SYNE1: variants seen among roughly 807,000 people sequenced by gnomAD.
SYNE1 encodes nesprin-1.
In SYNE1, 616 loss-of-function variants were observed where a neutral mutation model predicts 1,111.0. The ratio of observed to expected loss-of-function variants is 0.55; its 90% CI spans 0.52 to 0.59. The LOEUF is 0.59. Among genes scored for constraint, SYNE1 ranks in the 20% least tolerant of loss-of-function variants. The pLI is 0.00. For missense variants in SYNE1, 10,006 were observed against 10,417.0 expected, an observed-to-expected ratio of 0.96 and a Z score of 1.72; for synonymous variants, 3,855 against 3,825.8, an observed-to-expected ratio of 1.01 and a Z score of -0.28.
At position 152,124,304 on chromosome 6, in the gene SYNE1, A is replaced by G. The variant is rs537119984; in HGVS notation, c.26154-1628T>C. ...ATCCTGGGCAACAGAGCGAGACTCT[A>G]TCTCAAAAACAGATATTGGTTCTGC... On this transcript the variant is annotated intron_variant, in intron 145 of 145. Transcript: ENST00000367255. Among the ~76,000 whole-genome samples, 631 of 143,814 alleles carry G rather than the reference A, an allele frequency of 4.4e-3. 4 individuals are homozygous for G. Among genetic ancestry groups the G allele is most frequent in the African/African-American group, 0.016 (612 of 38,056 alleles). 94.3% of individuals were successfully genotyped at this position (143,814 alleles called of 152,430 possible). A position where few individuals can be genotyped will look rare whatever the true frequency, so the allele number is the denominator to read the frequency against.
intron 28 of SYNE1, among the ~76,000 whole-genome samples, chr6:152,449,201 A>G (rs1405705522): frequency 3.3e-5 from 5 of 152,188 alleles, no homozygotes; most frequent in African/African-American, 7.2e-5. Flanking sequence ...AATGTATTGT[A>G]TAAAAGCATA....
At chr6:152,344,579 G>A (rs1357320496) in intron 73 of SYNE1, among the ~76,000 whole-genome samples, 1 of 152,062 alleles carries the variant, frequency 6.6e-6, no homozygotes, top group Non-Finnish European at 1.5e-5. Flanking sequence ...TCTTCCTATG[G>A]TATAAATATT....
At chr6:152,539,625 G>T (rs915876898) in intron 4 of SYNE1, among the ~76,000 whole-genome samples, 1 of 151,962 alleles carries the variant, frequency 6.6e-6, no homozygotes, top group Non-Finnish European at 1.5e-5. Flanking sequence ...TTCCAAATAG[G>T]AACAAACACA....
intron 121 of SYNE1, among the ~76,000 whole-genome samples, chr6:152,215,461 T>C (rs1374345532): frequency 5.3e-5 from 8 of 152,212 alleles, no homozygotes; most frequent in Non-Finnish European, 5.9e-5. Context: ...TTTACTCATA[T>C]GTAATTATAT....
At chr6:152,562,033 C>T (rs540851158) in intron 3 of SYNE1, among the ~76,000 whole-genome samples, 59 of 152,114 alleles carry the variant, frequency 3.9e-4, no homozygotes, top group African/African-American at 1.3e-3. Flanking sequence ...CTTATAAGCA[C>T]AGCCAACAAA....
chr6:152,595,143 G>A (rs2099577300), intron 3 of SYNE1, among the ~76,000 whole-genome samples: 1 of 152,094 alleles, frequency 6.6e-6, no homozygotes, highest in African/African-American at 2.4e-5. Flanking sequence ...TACTGGGGAG[G>A]ACCAAGTGAA....
At chr6:152,349,544 T>A (rs2096705756) in intron 72 of SYNE1, among the ~76,000 whole-genome samples, 1 of 152,214 alleles carries the variant, frequency 6.6e-6, no homozygotes, top group South Asian at 2.1e-4. Context: ...AAGACTAAAT[T>A]CTGAGATAAA....
intron 129 of SYNE1, among the ~76,000 whole-genome samples, chr6:152,176,916 GTTATAC>G (rs1203507877): frequency 2.6e-5 from 4 of 152,046 alleles, no homozygotes; most frequent in Non-Finnish European, 4.4e-5. Flanking sequence ...CTAACCTGAT[GTTATAC>G]TTAGAATAAA....
intron 20 of SYNE1, 54 bp downstream of exon 20, chr6:152,462,684 A>C: frequency 6.2e-7 from 1 of 1,609,620 alleles, no homozygotes. Flanking sequence ...AAACTTGCTG[A>C]TCTTTCCTCT....
At chr6:152,376,182 C>T in intron 58 of SYNE1, 199 bp downstream of exon 58, 2 of 580,026 alleles carry the variant, frequency 3.4e-6, no homozygotes, top group Non-Finnish European at 6.1e-6. Context: ...GAATCTGATG[C>T]TACCGCTGAT....
At chr6:152,518,071 T>A (rs1345163766) in intron 6 of SYNE1, among the ~76,000 whole-genome samples, 1 of 151,654 alleles carries the variant, frequency 6.6e-6, no homozygotes, top group African/African-American at 2.4e-5. Flanking sequence ...CTGACGGGGA[T>A]GGGGAAGAAT....
intron 8 of SYNE1, among the ~76,000 whole-genome samples, chr6:152,507,895 T>C (rs955627688): frequency 1.3e-5 from 2 of 152,220 alleles, no homozygotes; most frequent in Non-Finnish European, 2.9e-5. Flanking sequence ...GAAATCATTT[T>C]TAAATTTATT....
chr6:152,299,309 G>A (rs2095049083), intron 93 of SYNE1, among the ~76,000 whole-genome samples: 1 of 152,274 alleles, frequency 6.6e-6, no homozygotes, highest in African/African-American at 2.4e-5. Context: ...AATAACATCT[G>A]TAACCATAGG....
chr6:152,391,417 C>G lies in SYNE1; in HGVS notation c.7864G>C (p.Ala2622Pro). ...TCCAGGGCTTCGTGCTCCTGAAGGG[C>G]CACCTGGCAGCTCCGGAGTTTCTCT... ...TKEKLRSCQV[A>P]LQEHEALEEA... The change falls in exon 52 of 146, where the codon GCC becomes CCC. Residue 2622 changes from alanine to proline, a missense_variant. Around this residue, in one of 7 missense-constraint regions of SYNE1, gnomAD observed 4,955 missense variants for 5,017.2 expected, o/e 0.99. Coordinates refer to ENST00000367255, the MANE Select transcript of SYNE1 (RefSeq NM_182961.4). 1.9e-6 allele frequency: 3 copies of G among 1,613,866 alleles called. No homozygotes were observed. The highest frequency in any genetic ancestry group is 2.5e-6 in the Non-Finnish European group (3 of 1,179,944).
chr6:152,241,527 T>TGTGTGTGTGTGTGTGTGAGTGTGA (rs59737931), intron 107 of SYNE1, among the ~76,000 whole-genome samples: 1 of 145,032 alleles, frequency 6.9e-6, no homozygotes, highest in Non-Finnish European at 1.5e-5. Flanking sequence ...TGTGTGTGTG[T>TGTGTGTGTGTGTGTGTGAGTGTGA]GTGAAATACG....
intron 96 of SYNE1, among the ~76,000 whole-genome samples, chr6:152,282,842 A>G (rs2094116316): frequency 6.6e-6 from 1 of 152,322 alleles, no homozygotes; most frequent in South Asian, 2.1e-4. Context: ...GCACAAATCT[A>G]ATATATGAAT....
At chr6:152,221,071 GAGC>G in intron 118 of SYNE1, 25 bp from the exon 119 acceptor site, 2 of 1,611,656 alleles carry the variant, frequency 1.2e-6, no homozygotes, top group Admixed American at 3.3e-5. Context: ...CAACACTCAT[GAGC>G]AGATTACCAC....
intron 95 of SYNE1, among the ~76,000 whole-genome samples, chr6:152,287,719 G>C (rs1023889767): frequency 2.6e-4 from 40 of 152,042 alleles, no homozygotes; most frequent in Middle Eastern, 3.2e-3. Flanking sequence ...GCTAATTTTT[G>C]TATTTTTAGT....
At chr6:152,202,563 C>A (rs1310058809) in intron 126 of SYNE1, among the ~76,000 whole-genome samples, 2 of 151,972 alleles carry the variant, frequency 1.3e-5, no homozygotes, top group African/African-American at 4.8e-5. Flanking sequence ...GGAAAAAATA[C>A]AAACTCTCCA....
Sources: allele counts gnomAD v4.1 joint callset (sites outside exome capture counted in the v4.1 genomes callset), GRCh38; gene constraint gnomAD v4.1.1; regional missense constraint gnomAD v4.1.1; transcripts MANE v1.5; gene names NCBI Gene and HGNC (gene_info 2026-07-23, HGNC 2026-07-21).